Variants in DGLUCY observed in about 807,000 individuals in gnomAD.
The protein encoded by DGLUCY is D-glutamate cyclase.
Under a neutral mutation model 58.5 loss-of-function variants are expected in DGLUCY, and 58 were observed. The observed-to-expected ratio is 0.99, with a 90% CI of 0.80 to 1.23. DGLUCY has a LOEUF of 1.23. Ranked by LOEUF, DGLUCY falls within the 50% of genes most tolerant of loss-of-function variation. The pLI, the probability that DGLUCY is intolerant of heterozygous loss-of-function variation, is 0.00. For synonymous variants in DGLUCY, 325 were observed against 314.1 expected, an observed-to-expected ratio of 1.03 and a Z score of -0.37; for missense variants, 779 against 784.7, an observed-to-expected ratio of 0.99 and a Z score of 0.09.
intron 12 of DGLUCY, among the ~76,000 whole-genome samples, chr14:91,210,145 C>CT (rs1885440906): frequency 6.6e-6 from 1 of 152,048 alleles, no homozygotes; most frequent in African/African-American, 2.4e-5. Flanking sequence ...AGGCAAATGC[C>CT]TGTAGTCCCA....
chr14:91,171,940 A>G lies in DGLUCY; in HGVS notation c.457-1349A>G, dbSNP rs187424899. 3.9e-4 allele frequency among the ~76,000 whole-genome samples: 60 copies of G among 152,342 alleles called. 1 individual carries two copies. The highest frequency in any genetic ancestry group is 1.3e-3 in the African/African-American group (56 of 41,584). On this transcript the variant is annotated intron_variant, in intron 5 of 13. Transcript: ENST00000256324. ...TGCCTCCCTCTGCCCGTGATTCACCAGAGGCTGTTTACCTTTGGTCCATGG... is the reference window on the plus strand; with the variant it reads ...TGCCTCCCTCTGCCCGTGATTCACCGGAGGCTGTTTACCTTTGGTCCATGG...
chr14:91,207,161 GAAAAA>G (rs56355078), intron 12 of DGLUCY, among the ~76,000 whole-genome samples: 17 of 85,320 alleles, frequency 2.0e-4, no homozygotes, highest in East Asian at 6.0e-4. Context: ...ACTGTCTCAG[GAAAAA>G]AAAAAAAAAA....
chr14:91,125,810 G>A (rs2401978), intron 1 of DGLUCY, among the ~76,000 whole-genome samples: 82,278 of 151,974 alleles, frequency 0.54, 24,081 homozygotes, highest in East Asian at 0.89. Context: ...AAAATTAGCC[G>A]AGCCTGGGCT....
At chr14:91,215,753 G>T in intron 13 of DGLUCY, 197 bp downstream of exon 13, 1 of 1,439,558 alleles carries the variant, frequency 6.9e-7, no homozygotes, top group Non-Finnish European at 9.1e-7. Flanking sequence ...CGTGTGGCAG[G>T]CCTGATCCAA....
At chr14:91,098,494 A>G (rs558752437) in intron 1 of DGLUCY, among the ~76,000 whole-genome samples, 1 of 152,218 alleles carries the variant, frequency 6.6e-6, no homozygotes, top group East Asian at 1.9e-4. Context: ...ATGAGCTTTG[A>G]GTGTGTATTA....
chr14:91,221,628 A>G (rs1887530023), intron 13 of DGLUCY, among the ~76,000 whole-genome samples: 1 of 152,136 alleles, frequency 6.6e-6, no homozygotes, highest in Non-Finnish European at 1.5e-5. Flanking sequence ...GGGTGAGCAG[A>G]TGGAAGGATG....
At chr14:91,085,884 A>T (rs962744923) in intron 1 of DGLUCY, among the ~76,000 whole-genome samples, 1 of 152,106 alleles carries the variant, frequency 6.6e-6, no homozygotes, top group Admixed American at 6.6e-5. Flanking sequence ...CAAGTCCCTT[A>T]TAACAGGGGT....
chr14:91,138,554 A>C (rs547999474), intron 1 of DGLUCY, among the ~76,000 whole-genome samples: 1 of 152,344 alleles, frequency 6.6e-6, no homozygotes, highest in South Asian at 2.1e-4. Context: ...AAAGAGGTCT[A>C]ATCCCCAGTT....
At chr14:91,122,096 C>CTT (rs139048376) in intron 1 of DGLUCY, among the ~76,000 whole-genome samples, 6 of 149,478 alleles carry the variant, frequency 4.0e-5, no homozygotes, top group Non-Finnish European at 7.4e-5. Flanking sequence ...TGTATGATAT[C>CTT]TTTTTTTTTT....
chr14:91,225,310 A>T lies in DGLUCY; in HGVS notation c.*477A>T, dbSNP rs1372425014. 1 of 152,734 alleles carries T rather than the reference A, an allele frequency of 6.5e-6. No individual in the cohort carries two copies. Among genetic ancestry groups the T allele is most frequent in the Non-Finnish European group, 1.5e-5 (1 of 68,414 alleles). 9.5% of individuals were successfully genotyped at this position (152,734 alleles called of 1,614,324 possible). ...ACTCATAGCCAACTGCAGACCGAAA[A>T]TACTAAATGAAAAATTTCAGAAATA... is the stretch of plus-strand genomic sequence containing the variant. On this transcript the variant is annotated 3_prime_UTR_variant, in exon 14 of 14. Coordinates refer to ENST00000256324, the MANE Select transcript of DGLUCY (RefSeq NM_001102368.3).
intron 1 of DGLUCY, among the ~76,000 whole-genome samples, chr14:91,155,040 C>G (rs1178058157): frequency 1.3e-5 from 2 of 152,226 alleles, no homozygotes; most frequent in African/African-American, 4.8e-5. Context: ...TGCTTCTAGT[C>G]TGACCCCTAC....
chr14:91,128,385 T>C (rs1381715478), intron 1 of DGLUCY, among the ~76,000 whole-genome samples: 1 of 151,260 alleles, frequency 6.6e-6, no homozygotes, highest in Non-Finnish European at 1.5e-5. Context: ...GTCTTAGCTA[T>C]TGGAGAGGCT....
chr14:91,161,331 A>G (rs540335484), intron 3 of DGLUCY, among the ~76,000 whole-genome samples: 1 of 152,336 alleles, frequency 6.6e-6, no homozygotes, highest in Non-Finnish European at 1.5e-5. Flanking sequence ...TGGCCTCCCA[A>G]AGTGCTGGAG....
At chr14:91,156,295 G>C (rs920894612) in intron 1 of DGLUCY, among the ~76,000 whole-genome samples, 5 of 152,020 alleles carry the variant, frequency 3.3e-5, no homozygotes, top group African/African-American at 1.2e-4. Context: ...TGTATTTTTT[G>C]TAGAGATAGG....
At position 91,167,302 on chromosome 14, in the gene DGLUCY, G is replaced by C; in HGVS notation, c.181G>C (p.Gly61Arg). The change falls in exon 4 of 14, where the codon GGT becomes CGT. Residue 61 changes from glycine (G) to arginine (R), a missense_variant. By Grantham distance (125) the Gly-to-Arg change is moderately radical. Transcript: ENST00000256324. ...TGAAAGATTCTGCCAGGTCAACACTGGTCCTCTACCCCTGCTGGGCCAGAG... is the reference window on the plus strand; with the variant it reads ...TGAAAGATTCTGCCAGGTCAACACTCGTCCTCTACCCCTGCTGGGCCAGAG... ...AFERFCQVNT[G>R]PLPLLGQSEP... is the part of the protein sequence containing the mutation. 1 of 1,613,854 alleles carries C rather than the reference G, an allele frequency of 6.2e-7. No individual in the cohort carries two copies. The highest frequency in any genetic ancestry group is 8.5e-7 in the Non-Finnish European group (1 of 1,179,934).
chr14:91,167,417 T>G, intron 4 of DGLUCY, 39 bp downstream of exon 4: 3 of 1,612,944 alleles, frequency 1.9e-6, no homozygotes, highest in Non-Finnish European at 2.5e-6. Context: ...AGCTTGGGAG[T>G]GTCCAGGTGC....
At chr14:91,194,068 T>C (rs1368281749) in intron 9 of DGLUCY, among the ~76,000 whole-genome samples, 1 of 152,154 alleles carries the variant, frequency 6.6e-6, no homozygotes, top group Non-Finnish European at 1.5e-5. Context: ...TATTTTTTAC[T>C]AGTATCCTAT....
chr14:91,101,122 A>G (rs777752479), intron 1 of DGLUCY, among the ~76,000 whole-genome samples: 1 of 152,174 alleles, frequency 6.6e-6, no homozygotes, highest in Non-Finnish European at 1.5e-5. Flanking sequence ...CATGAGATCT[A>G]TCCTCTTAAC....
At chr14:91,214,513 G>T (rs1239800975) in intron 12 of DGLUCY, among the ~76,000 whole-genome samples, 1 of 152,268 alleles carries the variant, frequency 6.6e-6, no homozygotes, top group Admixed American at 6.5e-5. Flanking sequence ...CCCTCTGAGG[G>T]TGGGCTTCCA....
Sources: allele counts gnomAD v4.1 joint callset (sites outside exome capture counted in the v4.1 genomes callset), GRCh38; gene constraint gnomAD v4.1.1; transcripts MANE v1.5; gene names NCBI Gene and HGNC (gene_info 2026-07-23, HGNC 2026-07-21).